The following LIPH variants were observed in gnomAD, a reference collection of about 807,000 sequenced individuals.
LIPH encodes lipase H.
LIPH carries 32 observed loss-of-function variants against 47.6 expected under a neutral mutation model. That is an observed-to-expected ratio of 0.67 (90% CI 0.51 to 0.90). LIPH has a LOEUF of 0.90. Among genes scored for constraint, LIPH ranks in the 40% least tolerant of loss-of-function variants. The probability of loss-of-function intolerance (pLI) is 0.00; values close to 1 mark genes in which losing one functional copy is unlikely to be tolerated. For missense variants in LIPH, 497 were observed against 541.4 expected, an observed-to-expected ratio of 0.92 and a Z score of 0.81; for synonymous variants, 190 against 195.6, an observed-to-expected ratio of 0.97 and a Z score of 0.24.
intron 1 of LIPH, among the ~76,000 whole-genome samples, chr3:185,549,190 G>C (rs1720979828): frequency 6.6e-6 from 1 of 151,894 alleles, no homozygotes. Flanking sequence ...CAGGCAAGAA[G>C]CATATGGGCA....
rs374991145 is a variant in LIPH, at chr3:185,519,022, C to T, written c.886+120G>A. The stretch of plus-strand genomic sequence containing the variant: ...TACAGGCATGAGCCACTGTGCCCAG[C>T]AGAAAAACAAGTTTTTAATACAATT... On this transcript the variant is annotated intron_variant, in intron 6 of 9. Transcript: ENST00000296252. 1.9e-5 allele frequency: 16 copies of T among 855,960 alleles called. No homozygotes were observed. In the African/African-American group the frequency reaches 2.5e-4, roughly 13 times the overall value. The allele number at this position is 855,960 out of a possible 1,614,324, so 53.0% of individuals were successfully genotyped here.
At chr3:185,534,012 T>C (rs1271778182) in intron 2 of LIPH, among the ~76,000 whole-genome samples, 1 of 152,014 alleles carries the variant, frequency 6.6e-6, no homozygotes, top group Non-Finnish European at 1.5e-5. Context: ...TCACCTGAGG[T>C]CGGGAGTTCG....
chr3:185,532,649 G>C (rs746300630), intron 3 of LIPH, among the ~76,000 whole-genome samples: 7 of 152,170 alleles, frequency 4.6e-5, no homozygotes, highest in Non-Finnish European at 7.4e-5. Flanking sequence ...AATTAGCCAA[G>C]AGTGGTGGCG....
At chr3:185,552,094 T>C (rs1721064883) in intron 1 of LIPH, among the ~76,000 whole-genome samples, 1 of 152,044 alleles carries the variant, frequency 6.6e-6, no homozygotes. Flanking sequence ...AAGGCACAGA[T>C]AAATAGGCTA....
intron 4 of LIPH, among the ~76,000 whole-genome samples, chr3:185,524,513 A>G (rs632537): frequency 0.92 from 137,212 of 149,880 alleles, 63,178 homozygotes; most frequent in East Asian, 0.99. Flanking sequence ...GCAATGATGC[A>G]ATCTCTGCTC....
chr3:185,518,175 T>C (rs986463044), intron 6 of LIPH, among the ~76,000 whole-genome samples: 7 of 152,204 alleles, frequency 4.6e-5, no homozygotes, highest in Non-Finnish European at 1.0e-4. Flanking sequence ...GAAACTCTTC[T>C]GTAACCTTCT....
In LIPH at chr3:185,508,608, A is replaced by G. The variant is rs6788865; in HGVS notation, c.*182T>C. On this transcript the variant is annotated 3_prime_UTR_variant, in exon 10 of 10. Transcript: ENST00000296252. ...TTGCCCTAGTTAGGGGCTCCTTCCC[A>G]GGATCGTTTTATAATCACAAGGTTG... The G allele has an allele frequency of 0.41, 253,378 of 613,392 alleles. 53,832 individuals are homozygous for G. Among genetic ancestry groups the G allele is most frequent in the Non-Finnish European group, 0.44 (152,104 of 342,410 alleles). 38.0% of individuals were successfully genotyped at this position (613,392 alleles called of 1,614,324 possible).
intron 1 of LIPH, among the ~76,000 whole-genome samples, chr3:185,539,964 T>C (rs980259388): frequency 1.3e-5 from 2 of 152,206 alleles, no homozygotes; most frequent in Non-Finnish European, 2.9e-5. Flanking sequence ...TTCCTGCCCA[T>C]GTGGCACTCT....
intron 1 of LIPH, among the ~76,000 whole-genome samples, chr3:185,543,269 C>G (rs1480968074): frequency 4.6e-5 from 7 of 152,054 alleles, no homozygotes; most frequent in Non-Finnish European, 8.8e-5. Context: ...GAAGTGCTGT[C>G]TAATGTTTCT....
rs369326762 is a variant in LIPH at position 185,533,546 on chromosome 3, C to T, written c.526+25G>A. ...GTGAACACCCTGCCCAGGCTACCAA[C>T]CCATGCCCATTCACAGGCACTTACC... On this transcript the variant is annotated intron_variant, in intron 3 of 9. Coordinates refer to ENST00000296252, the MANE Select transcript of LIPH (RefSeq NM_139248.3). 15 of 1,490,938 alleles carry T rather than the reference C, an allele frequency of 1.0e-5. 1 individual carries two copies. In the South Asian group the frequency reaches 1.6e-4, roughly 16 times the overall value. The allele number at this position is 1,490,938 out of a possible 1,614,324, so 92.4% of individuals were successfully genotyped here.
Position 185,533,471 on chromosome 3 carries a change from A to G in LIPH, c.526+100T>C, listed in dbSNP as rs1720399653. ...ACACTCAGAGAGGTTAGGTAATTGGAGCTGGCTTTGAACCCAAGGAGTTGG... is the reference window on the plus strand; with the variant it reads ...ACACTCAGAGAGGTTAGGTAATTGGGGCTGGCTTTGAACCCAAGGAGTTGG... On this transcript the variant is annotated intron_variant, in intron 3 of 9. Coordinates refer to ENST00000296252, the MANE Select transcript of LIPH (RefSeq NM_139248.3). 11 of 804,038 alleles carry G rather than the reference A, an allele frequency of 1.4e-5. No individual in the cohort carries two copies. In the Admixed American group the frequency reaches 1.9e-4, roughly 14 times the overall value. The allele number at this position is 804,038 out of a possible 1,614,324, so 49.8% of individuals were successfully genotyped here. A position where few individuals can be genotyped will look rare whatever the true frequency, so the allele number is the denominator to read the frequency against.
At chr3:185,546,849 C>A (rs1352978693) in intron 1 of LIPH, 5 of 422,202 alleles carry the variant, frequency 1.2e-5, no homozygotes, top group South Asian at 8.6e-5. Context: ...GCTGTCTCAG[C>A]TACACACTCA....
At chr3:185,545,519 G>A (rs1286173957) in intron 1 of LIPH, among the ~76,000 whole-genome samples, 2 of 152,134 alleles carry the variant, frequency 1.3e-5, no homozygotes, top group Non-Finnish European at 2.9e-5. Context: ...ATGACTAATG[G>A]CCCATAAAGC....
chr3:185,517,973 G>A (rs892942728), intron 6 of LIPH, among the ~76,000 whole-genome samples: 8 of 152,124 alleles, frequency 5.3e-5, no homozygotes, highest in Non-Finnish European at 1.0e-4. Context: ...CCTGCTGTAC[G>A]TGCACACAAG....
intron 6 of LIPH, among the ~76,000 whole-genome samples, chr3:185,518,872 G>A (rs531732728): frequency 2.0e-5 from 3 of 151,516 alleles, no homozygotes; most frequent in Admixed American, 6.6e-5. Context: ...CTACAGGCAC[G>A]CACCACCACA....
At chr3:185,535,241 C>G in intron 1 of LIPH, 109 bp from the exon 2 acceptor site, 1 of 1,303,022 alleles carries the variant, frequency 7.7e-7, no homozygotes, top group Non-Finnish European at 1.1e-6. Flanking sequence ...CTGATAGGAC[C>G]TGGCTAAGGG....
At position 185,508,763 on chromosome 3, in the gene LIPH, A is replaced by G. The variant is rs756942501; in HGVS notation, c.*27T>C. The stretch of plus-strand genomic sequence containing the variant: ...CTGTGGTTGTAGCTTTCTTTCTATT[A>G]TTTATGGCCATGTGTCCTGGCAACA... On this transcript the variant is annotated 3_prime_UTR_variant, in exon 10 of 10. Coordinates refer to ENST00000296252, the MANE Select transcript of LIPH (RefSeq NM_139248.3). 2 of 1,494,454 alleles carry G rather than the reference A, an allele frequency of 1.3e-6. No individual in the cohort carries two copies. Among genetic ancestry groups the G allele is most frequent in the East Asian group, 2.3e-5 (1 of 44,314 alleles). 92.6% of individuals were successfully genotyped at this position (1,494,454 alleles called of 1,614,324 possible). A position where few individuals can be genotyped will look rare whatever the true frequency, so the allele number is the denominator to read the frequency against.
intron 1 of LIPH, among the ~76,000 whole-genome samples, chr3:185,538,169 C>G (rs1720559260): frequency 6.6e-6 from 1 of 152,168 alleles, no homozygotes; most frequent in South Asian, 2.1e-4. Flanking sequence ...AGAAGTCCAT[C>G]GTAAGTATTG....
chr3:185,539,720 C>T (rs1158886935), intron 1 of LIPH, among the ~76,000 whole-genome samples: 1 of 152,142 alleles, frequency 6.6e-6, no homozygotes, highest in Non-Finnish European at 1.5e-5. Flanking sequence ...TATTTTATGA[C>T]CCACTCTCAG....
Sources: gnomAD v4.1 joint callset for allele counts (sites outside exome capture counted in the v4.1 genomes callset) on GRCh38, gnomAD v4.1.1 for gene constraint, MANE v1.5 for transcripts, NCBI Gene and HGNC (gene_info 2026-07-23, HGNC 2026-07-21) for gene names.